The following CFAP54 variants were observed in gnomAD, a reference collection of about 807,000 sequenced individuals.
The protein encoded by CFAP54 is cilia- and flagella-associated protein 54.
CFAP54 carries 290 observed loss-of-function variants against 370.4 expected under a neutral mutation model. The observed-to-expected ratio is 0.78, with a 90% confidence interval of 0.71 to 0.86. The LOEUF is 0.86. Among genes scored for constraint, CFAP54 ranks in the 40% least tolerant of loss-of-function variants. The pLI, the probability that CFAP54 is intolerant of heterozygous loss-of-function variation, is 0.00. For missense variants in CFAP54, 3,399 were observed against 3,528.7 expected, an observed-to-expected ratio of 0.96 and a Z score of 0.93; for synonymous variants, 1,206 against 1,236.5, an observed-to-expected ratio of 0.98 and a Z score of 0.52.
chr12:96,524,167 C>T (rs1007141871), intron 8 of CFAP54, among the ~76,000 whole-genome samples: 6 of 152,198 alleles, frequency 3.9e-5, no homozygotes, highest in Middle Eastern at 6.8e-3. Context: ...TTTTGACTCT[C>T]AAAAGATTCT....
chr12:96,741,733 T>C (rs1348331342), intron 51 of CFAP54, among the ~76,000 whole-genome samples: 3 of 152,240 alleles, frequency 2.0e-5, no homozygotes, highest in African/African-American at 7.2e-5. Context: ...TAGCTCTCAG[T>C]AGCTCTGGAC....
At chr12:96,531,712 C>CT (rs1255436247) in intron 9 of CFAP54, among the ~76,000 whole-genome samples, 2 of 152,028 alleles carry the variant, frequency 1.3e-5, no homozygotes, top group Non-Finnish European at 2.9e-5. Context: ...CAATGATATA[C>CT]TTTTTTGTTA....
At chr12:96,593,104 A>G (rs987221470) in intron 24 of CFAP54, among the ~76,000 whole-genome samples, 5 of 152,210 alleles carry the variant, frequency 3.3e-5, no homozygotes, top group African/African-American at 1.2e-4. Flanking sequence ...ATGCTGTTAT[A>G]TATCAATCTG....
intron 63 of CFAP54, among the ~76,000 whole-genome samples, chr12:96,797,983 A>T (rs1958784262): frequency 6.6e-6 from 1 of 151,746 alleles, no homozygotes; most frequent in East Asian, 1.9e-4. Context: ...GAAATTATGC[A>T]TTCTTTTTGT....
chr12:96,543,161 C>T (rs1397468535), intron 14 of CFAP54, among the ~76,000 whole-genome samples: 1 of 152,186 alleles, frequency 6.6e-6, no homozygotes, highest in Admixed American at 6.5e-5. Context: ...GCCTAGTTAT[C>T]CCACTTTTTG....
chr12:96,863,714 C>T (rs533734455), intron 67 of CFAP54, among the ~76,000 whole-genome samples: 2 of 152,274 alleles, frequency 1.3e-5, no homozygotes, highest in South Asian at 2.1e-4. Context: ...AAGGGGGTCC[C>T]CCATGTTATC....
Position 96,786,752 on chromosome 12 carries a change from T to C in CFAP54, c.8533T>C (p.Leu2845=). The change falls in exon 62 of 68, where the codon TTG becomes CTG. Residue 2845 remains leucine (L), a synonymous_variant. Coordinates refer to ENST00000524981, the MANE Select transcript of CFAP54 (RefSeq NM_001306084.2). ...LTSLYNSELI[L]RQKEVHFFLK... Reference sequence around the variant, plus strand: ...ATCCCTTTACAACTCTGAGTTGATTTTGCGCCAGAAAGAAGTGCATTTTTT... The same window carrying C: ...ATCCCTTTACAACTCTGAGTTGATTCTGCGCCAGAAAGAAGTGCATTTTTT... 6.5e-7 allele frequency: 1 copy of C among 1,535,994 alleles called. No homozygotes were observed.
chr12:96,766,433 G>T (rs34477), intron 60 of CFAP54, among the ~76,000 whole-genome samples: 20,995 of 152,054 alleles, frequency 0.14, 1,876 homozygotes, highest in Middle Eastern at 0.26. Flanking sequence ...GGGCAGTTCG[G>T]CAGCCCAGCA....
chr12:96,514,375 T>C (rs187473836), intron 5 of CFAP54, among the ~76,000 whole-genome samples: 1 of 152,362 alleles, frequency 6.6e-6, no homozygotes, highest in Admixed American at 6.5e-5. Flanking sequence ...TAAAAAACTC[T>C]ATGACAGACA....
At chr12:96,501,133 C>G in intron 2 of CFAP54, 194 bp downstream of exon 2, 1 of 452,602 alleles carries the variant, frequency 2.2e-6, no homozygotes, top group Non-Finnish European at 4.0e-6. Context: ...TTGAGATTTC[C>G]CAGAGGTGAG....
chr12:96,794,938 G>A (rs1034145075), intron 63 of CFAP54, among the ~76,000 whole-genome samples: 7 of 152,214 alleles, frequency 4.6e-5, no homozygotes, highest in African/African-American at 1.4e-4. Context: ...GTGCTCCGTT[G>A]ATGTGGTGTT....
intron 65 of CFAP54, among the ~76,000 whole-genome samples, chr12:96,820,090 T>A (rs370590654): frequency 2.0e-5 from 3 of 152,292 alleles, no homozygotes; most frequent in East Asian, 3.9e-4. Context: ...CTTAGGAGCT[T>A]ATGGTCTCGT....
intron 55 of CFAP54, among the ~76,000 whole-genome samples, chr12:96,750,253 T>A (rs1473699614): frequency 6.6e-6 from 1 of 152,158 alleles, no homozygotes; most frequent in African/African-American, 2.4e-5. Flanking sequence ...TGTCTGTTCT[T>A]ACCCGTCACC....
At chr12:96,641,568 C>T (rs1348550539) in intron 32 of CFAP54, among the ~76,000 whole-genome samples, 4 of 152,136 alleles carry the variant, frequency 2.6e-5, no homozygotes, top group Admixed American at 6.5e-5. Flanking sequence ...CCCAGCCATC[C>T]CATTACTGGG....
At chr12:96,606,877 A>G (rs1314829747) in intron 26 of CFAP54, among the ~76,000 whole-genome samples, 1 of 152,188 alleles carries the variant, frequency 6.6e-6, no homozygotes, top group East Asian at 1.9e-4. Flanking sequence ...GAATCCAGTG[A>G]TTCCCTCAAA....
intron 25 of CFAP54, among the ~76,000 whole-genome samples, chr12:96,595,505 T>G (rs925053842): frequency 6.6e-6 from 1 of 152,188 alleles, no homozygotes; most frequent in African/African-American, 2.4e-5. Context: ...GACACATTTT[T>G]TGTCATCCTA....
At chr12:96,548,240 C>T (rs1027787042) in intron 15 of CFAP54, among the ~76,000 whole-genome samples, 3 of 152,072 alleles carry the variant, frequency 2.0e-5, no homozygotes, top group Non-Finnish European at 2.9e-5. Flanking sequence ...AGATAAAACT[C>T]ACCTCCTCTG....
chr12:96,771,577 G>A (rs1001001504), intron 60 of CFAP54, among the ~76,000 whole-genome samples: 3 of 152,240 alleles, frequency 2.0e-5, no homozygotes, highest in South Asian at 2.1e-4. Flanking sequence ...GCGTGAACCC[G>A]GGAGGCGGAG....
intron 25 of CFAP54, among the ~76,000 whole-genome samples, chr12:96,596,870 G>C (rs936063632): frequency 2.6e-5 from 4 of 152,032 alleles, no homozygotes; most frequent in African/African-American, 9.7e-5. Context: ...ATATGAATAA[G>C]CAGTTCACAG....
Sources: allele counts gnomAD v4.1 joint callset (sites outside exome capture counted in the v4.1 genomes callset), GRCh38; gene constraint gnomAD v4.1.1; transcripts MANE v1.5; gene names NCBI Gene and HGNC (gene_info 2026-07-23, HGNC 2026-07-21).